The following YTHDF3 variants were observed in gnomAD, a reference collection of about 807,000 sequenced individuals.
YTHDF3 encodes the protein YTH N6-methyladenosine RNA binding protein F3, also known as YTH domain-containing family protein 3.
YTHDF3 carries 9 observed loss-of-function variants against 52.5 expected under a neutral mutation model. That is an observed-to-expected ratio of 0.17 (90% confidence interval 0.10 to 0.30). The LOEUF (loss-of-function observed/expected upper bound fraction) is 0.30, where lower values mean the gene tolerates loss of function less well. YTHDF3 is among the 10% of genes least tolerant of loss of function. The probability of loss-of-function intolerance (pLI) is 1.00; values close to 1 mark genes in which losing one functional copy is unlikely to be tolerated. For missense variants in YTHDF3, 534 were observed against 715.0 expected (o/e 0.75, Z 2.89); for synonymous variants, 274 against 243.3 (o/e 1.13, Z -1.18).
intron 2 of YTHDF3, among the ~76,000 whole-genome samples, chr8:63,170,987 A>G (rs1170903942): frequency 1.3e-5 from 2 of 152,186 alleles, no homozygotes; most frequent in African/African-American, 4.8e-5. Flanking sequence ...TAATACATCC[A>G]CTGTTTGCAA....
At chr8:63,178,822 T>G (rs529108876) in intron 3 of YTHDF3, among the ~76,000 whole-genome samples, 11 of 152,282 alleles carry the variant, frequency 7.2e-5, no homozygotes, top group Non-Finnish European at 1.3e-4. Context: ...TTAAATAAAA[T>G]GTTTGGACCT....
chr8:63,176,672 C>CA (rs1412459662), intron 3 of YTHDF3, among the ~76,000 whole-genome samples: 1 of 132,896 alleles, frequency 7.5e-6, no homozygotes, highest in Non-Finnish European at 1.5e-5. Flanking sequence ...ATTAGAAACT[C>CA]AGTTTTTTTT....
intron 3 of YTHDF3, among the ~76,000 whole-genome samples, chr8:63,184,809 A>G (rs1306545705): frequency 6.6e-6 from 1 of 152,194 alleles, no homozygotes. Flanking sequence ...GATTTTTTTC[A>G]CTTTGCATAA....
At chr8:63,178,005 G>A (rs1807817877) in intron 3 of YTHDF3, among the ~76,000 whole-genome samples, 1 of 152,104 alleles carries the variant, frequency 6.6e-6, no homozygotes, top group Admixed American at 6.5e-5. Flanking sequence ...TGATCCACCT[G>A]CCTCGGCCTC....
intron 3 of YTHDF3, among the ~76,000 whole-genome samples, chr8:63,184,990 G>A (rs1585756116): frequency 1.3e-5 from 2 of 152,182 alleles, no homozygotes. Context: ...GCATGGTGGC[G>A]GACGCCTGTG....
Position 63,209,968 on chromosome 8 carries a change from T to G in YTHDF3, c.*262T>G. 1 of 383,288 alleles carries G rather than the reference T, an allele frequency of 2.6e-6. No homozygotes were observed. Among genetic ancestry groups the G allele is most frequent in the Non-Finnish European group, 4.7e-6 (1 of 214,006 alleles). 23.7% of individuals were successfully genotyped at this position (383,288 alleles called of 1,614,324 possible). A position where few individuals can be genotyped will look rare whatever the true frequency, so the allele number is the denominator to read the frequency against. On this transcript the variant is annotated 3_prime_UTR_variant, in exon 5 of 5. Transcript: ENST00000539294. ...TACCAGTATCTGCTGTCTTTTGTAA[T>G]TATGCATCCTAGCTAAGGCACAGAA...
intron 4 of YTHDF3, among the ~76,000 whole-genome samples, chr8:63,208,009 G>C (rs1032782213): frequency 6.6e-6 from 1 of 152,044 alleles, no homozygotes; most frequent in African/African-American, 2.4e-5. Context: ...CAGCTTCATG[G>C]TACAAATCCT....
In YTHDF3 at chr8:63,187,682, C is replaced by T. The variant is rs1808614692; in HGVS notation, c.1671C>T (p.Thr557=). ...TAATTGCTACTTTCAAGCATACCAC[C>T]TCAATCTTTGATGACTTTGCACATT... ...LKIIATFKHT[T]SIFDDFAHYE... The change falls in exon 4 of 5, where the codon ACC becomes ACT. Residue 557 remains threonine (T), a synonymous_variant. Transcript: ENST00000539294. 1 of 1,611,862 alleles carries T rather than the reference C, an allele frequency of 6.2e-7. No homozygotes were observed. Among genetic ancestry groups the T allele is most frequent in the Non-Finnish European group, 8.5e-7 (1 of 1,178,788 alleles).
At chr8:63,178,190 T>C (rs1807831746) in intron 3 of YTHDF3, among the ~76,000 whole-genome samples, 1 of 152,224 alleles carries the variant, frequency 6.6e-6, no homozygotes, top group Non-Finnish European at 1.5e-5. Context: ...CACAAGGACA[T>C]AGAAGGGTTT....
intron 1 of YTHDF3, 27 bp downstream of exon 1, chr8:63,168,928 G>C: frequency 1.3e-6 from 2 of 1,549,584 alleles, no homozygotes; most frequent in South Asian, 2.4e-5. Context: ...CCCAGGCTTG[G>C]CGAAGGCCCG....
At chr8:63,189,234 C>T (rs761897671) in intron 4 of YTHDF3, among the ~76,000 whole-genome samples, 1 of 151,930 alleles carries the variant, frequency 6.6e-6, no homozygotes, top group Non-Finnish European at 1.5e-5. Flanking sequence ...TATTGAGTGG[C>T]CCATATGGGG....
Position 63,175,393 on chromosome 8 carries a change from T to C in YTHDF3, c.112T>C (p.Tyr38His). Residue 38 changes from tyrosine (Y) to histidine (H), a missense_variant, in exon 3 of 5, where the codon TAC becomes CAC. By Grantham distance (83) the Tyr-to-His change is moderately conservative (BLOSUM62 2). Around this residue, in one of 3 missense-constraint regions of YTHDF3, gnomAD observed 196 missense variants for 299.5 expected, o/e 0.65. Coordinates refer to ENST00000539294, the MANE Select transcript of YTHDF3 (RefSeq NM_152758.6). ...DAVNDDDFEP[Y>H]LSSQTNQSNS... ...TGTAAATGATGATGATTTTGAGCCA[T>C]ACTTAAGTAGCCAGACAAATCAGGT... 1 of 1,612,124 alleles carries C rather than the reference T, an allele frequency of 6.2e-7. No individual in the cohort carries two copies. Among genetic ancestry groups the C allele is most frequent in the Non-Finnish European group, 8.5e-7 (1 of 1,178,864 alleles).
chr8:63,169,550 G>A (rs531717806), intron 2 of YTHDF3, 139 bp downstream of exon 2: 1 of 944,448 alleles, frequency 1.1e-6, no homozygotes, highest in East Asian at 2.6e-5. Context: ...CATGGCTAAG[G>A]TAGCCAAGTT....
intron 3 of YTHDF3, among the ~76,000 whole-genome samples, 169 bp from the exon 4 acceptor site, chr8:63,185,978 A>G (rs569493362): frequency 2.6e-5 from 4 of 152,228 alleles, no homozygotes; most frequent in African/African-American, 4.8e-5. Flanking sequence ...CTCATCAGCA[A>G]ATTTTTCTGT....
intron 4 of YTHDF3, among the ~76,000 whole-genome samples, chr8:63,196,762 G>C (rs1191703916): frequency 6.6e-6 from 1 of 152,076 alleles, no homozygotes; most frequent in African/African-American, 2.4e-5. Context: ...GTAAAGATGA[G>C]TGTTTAATTA....
chr8:63,183,150 G>C (rs1808263119), intron 3 of YTHDF3, among the ~76,000 whole-genome samples: 1 of 151,898 alleles, frequency 6.6e-6, no homozygotes, highest in Admixed American at 6.6e-5. Context: ...TGGTAGAGAT[G>C]GGGTTTCACC....
rs929312838 is a variant in YTHDF3 at position 63,186,866 on chromosome 8, G to A, written c.855G>A (p.Val285=). 1.2e-6 allele frequency: 2 copies of A among 1,613,858 alleles called. No individual in the cohort carries two copies. The highest frequency in any genetic ancestry group is 1.3e-5 in the African/African-American group (1 of 74,904). ...GAACTTGGGATGAAAAAGGGTCAGT[G>A]GTAAAGGCTCCACCAACCCAACCAG... is the stretch of plus-strand genomic sequence containing the variant. The part of the protein sequence containing the change: ...NIGTWDEKGS[V]VKAPPTQPVL... Residue 285 remains valine, a synonymous_variant, in exon 4 of 5, where the codon GTG becomes GTA. Transcript: ENST00000539294.
At chr8:63,194,914 A>G (rs549730922) in intron 4 of YTHDF3, among the ~76,000 whole-genome samples, 14 of 152,210 alleles carry the variant, frequency 9.2e-5, no homozygotes, top group Admixed American at 4.6e-4. Flanking sequence ...TTTCCTTCCT[A>G]TGTTCATGTT....
At chr8:63,186,083 A>T in intron 3 of YTHDF3, 64 bp from the exon 4 acceptor site, 1 of 1,442,314 alleles carries the variant, frequency 6.9e-7, no homozygotes, top group South Asian at 1.4e-5. Context: ...TTAATCTTTC[A>T]GATTTCTTTT....
Sources: allele counts gnomAD v4.1 joint callset (sites outside exome capture counted in the v4.1 genomes callset), GRCh38; gene constraint gnomAD v4.1.1; regional missense constraint gnomAD v4.1.1; transcripts MANE v1.5; gene names NCBI Gene and HGNC (gene_info 2026-07-23, HGNC 2026-07-21).